The following CHRNA5 variants were observed in gnomAD, a reference collection of about 807,000 sequenced individuals.
The protein encoded by CHRNA5 is cholinergic receptor nicotinic alpha 5 subunit.
Under a neutral mutation model 41.2 loss-of-function variants are expected in CHRNA5, and 28 were observed. That is an observed-to-expected ratio of 0.68 (90% confidence interval 0.50 to 0.93). The LOEUF is 0.93. CHRNA5 is among the 40% of genes least tolerant of loss of function. The probability of loss-of-function intolerance (pLI) is 0.00; values close to 1 mark genes in which losing one functional copy is unlikely to be tolerated. For synonymous variants in CHRNA5, 188 were observed against 205.8 expected (o/e 0.91, Z 0.74); for missense variants, 481 against 581.9 (o/e 0.83, Z 1.78).
chr15:78,590,540 T>C (rs201720688), exon 5 of CHRNA5: 6 of 1,614,074 alleles, frequency 3.7e-6, no homozygotes, highest in Admixed American at 1.7e-5. Context: ...CTGAGAGTGG[T>C]AGTGGACCAA....
At chr15:78,592,863 TAA>T (rs2053033337) in intron 5 of CHRNA5, among the ~76,000 whole-genome samples, 1 of 152,156 alleles carries the variant, frequency 6.6e-6, no homozygotes, top group Admixed American at 6.5e-5. Context: ...ACTTGTAATA[TAA>T]GTTGATGTGT....
chr15:78,592,183 A>G (rs572675563), intron 5 of CHRNA5, among the ~76,000 whole-genome samples: 2 of 152,122 alleles, frequency 1.3e-5, no homozygotes, highest in Non-Finnish European at 2.9e-5. Flanking sequence ...TTAGCTGGGC[A>G]TGGTGGTGTG....
rs770658199 is a variant in CHRNA5, at chr15:78,593,136, G to A, written c.1290G>A (p.Met430Ile). The A allele has an allele frequency of 6.2e-6, 10 of 1,613,444 alleles. No homozygotes were observed. The East Asian group carries it at 2.2e-4, about 36-fold the overall frequency. Residue 430 changes from methionine (M) to isoleucine (I), a missense_variant, in exon 6 of 6, where the codon ATG becomes ATA. Coordinates refer to ENST00000299565, the Ensembl canonical transcript of CHRNA5. ...TCATAGCCCAGGTTCTTGATCGGATGTTTCTGTGGACTTTTCTTTTCGTTT... is the reference window on the plus strand; with the variant it reads ...TCATAGCCCAGGTTCTTGATCGGATATTTCTGTGGACTTTTCTTTTCGTTT...
intron 5 of CHRNA5, 38 bp downstream of exon 5, chr15:78,590,674 A>G (rs753213192): frequency 1.3e-6 from 2 of 1,528,388 alleles, no homozygotes; most frequent in South Asian, 2.5e-5. Flanking sequence ...ATCTTCTTCC[A>G]TTTTAAGTTC....
chr15:78,579,747 T>C (rs1257186898), intron 1 of CHRNA5, among the ~76,000 whole-genome samples: 1 of 152,136 alleles, frequency 6.6e-6, no homozygotes, highest in East Asian at 1.9e-4. Flanking sequence ...AATCCAACAC[T>C]CAGTTCTCAG....
At chr15:78,594,405 A>T (rs1050716580) in exon 6 of CHRNA5, 1 of 152,092 alleles carries the variant, frequency 6.6e-6, no homozygotes, top group Non-Finnish European at 1.5e-5. Context: ...GGCCGGGGGC[A>T]GTGGCTCACA....
chr15:78,565,889 G>GA lies in CHRNA5; in HGVS notation c.106+66dup. The GA allele has an allele frequency of 2.9e-6, 3 of 1,037,942 alleles. No homozygotes were observed. The African/African-American group carries it at 5.0e-5, about 17-fold the overall frequency. 64.3% of individuals were successfully genotyped at this position (1,037,942 alleles called of 1,614,324 possible). A position where few individuals can be genotyped will look rare whatever the true frequency, so the allele number is the denominator to read the frequency against. Reference sequence around the variant, plus strand: ...CCGGACTCCACATCGCGGTGCCCAGGAAGCCGCCAGGCGACGGCCGCCGGA... The same window carrying GA: ...CCGGACTCCACATCGCGGTGCCCAGGAAAGCCGCCAGGCGACGGCCGCCGGA... On this transcript the variant is annotated intron_variant, in intron 1 of 5. Coordinates refer to ENST00000299565, the Ensembl canonical transcript of CHRNA5.
At chr15:78,593,583 G>C (rs2053046949) in exon 6 of CHRNA5, 1 of 170,162 alleles carries the variant, frequency 5.9e-6, no homozygotes, top group Non-Finnish European at 1.2e-5. Flanking sequence ...GAGAATTCCA[G>C]TTGTATTTGA....
rs1596065831 is a variant in CHRNA5 at position 78,592,939 on chromosome 15, C to A, written c.1246-153C>A. The A allele has an allele frequency of 5.2e-6, 4 of 762,734 alleles. No homozygotes were observed. In the East Asian group the frequency reaches 1.1e-4, roughly 21 times the overall value. The allele number at this position is 762,734 out of a possible 1,614,324, so 47.2% of individuals were successfully genotyped here. On this transcript the variant is annotated intron_variant, in intron 5 of 5. Transcript: ENST00000299565. ...CTATAGTAGACCTTCAGGCTAGTGT[C>A]TGTCCCTGAGCTGAGTATAGGGTCA...
intron 1 of CHRNA5, among the ~76,000 whole-genome samples, chr15:78,566,704 T>G (rs185539531): frequency 6.6e-5 from 10 of 152,346 alleles, no homozygotes; most frequent in Admixed American, 5.9e-4. Flanking sequence ...GCCTTTCCTT[T>G]GTTAAGGTTT....
intron 2 of CHRNA5, among the ~76,000 whole-genome samples, chr15:78,582,535 C>T (rs1404975014): frequency 6.6e-6 from 1 of 151,162 alleles, no homozygotes; most frequent in African/African-American, 2.4e-5. Flanking sequence ...GGCTTGCTCT[C>T]AAAGATCTTT....
chr15:78,581,342 G>A (rs1331703792), intron 2 of CHRNA5, among the ~76,000 whole-genome samples: 1 of 152,092 alleles, frequency 6.6e-6, no homozygotes, highest in Non-Finnish European at 1.5e-5. Context: ...AGATTCTTAG[G>A]AACTAAAAGT....
At chr15:78,577,498 A>G (rs2052869661) in intron 1 of CHRNA5, among the ~76,000 whole-genome samples, 1 of 152,208 alleles carries the variant, frequency 6.6e-6, no homozygotes, top group African/African-American at 2.4e-5. Flanking sequence ...ACAAAGCAGT[A>G]TCTTGAAGAT....
At chr15:78,577,867 G>A (rs936258780) in intron 1 of CHRNA5, among the ~76,000 whole-genome samples, 7 of 149,916 alleles carry the variant, frequency 4.7e-5, no homozygotes, top group African/African-American at 1.7e-4. Flanking sequence ...GGAGGTTGAG[G>A]CTGCAGTGAG....
At chr15:78,590,372 A>T in exon 5 of CHRNA5, 3 of 1,614,184 alleles carry the variant, frequency 1.9e-6, no homozygotes, top group Non-Finnish European at 2.5e-6. Flanking sequence ...TGACACTGTC[A>T]ATTATGGTAA....
In CHRNA5 at chr15:78,589,875, C is replaced by T; in HGVS notation, c.484C>T (p.Pro162Ser). The T allele has an allele frequency of 6.2e-7, 1 of 1,614,050 alleles. No homozygotes were observed. Among genetic ancestry groups the T allele is most frequent in the Non-Finnish European group, 8.5e-7 (1 of 1,179,978 alleles). The change falls in exon 5 of 6, where the codon CCA becomes TCA. Residue 162 changes from proline to serine, a missense_variant. Physicochemically the swap from Pro to Ser is moderately conservative, Grantham distance 74. Transcript: ENST00000299565. ...GTACAATGGCACTGTCACCTGGACTCCACCGGCAAACTACAAAAGTTCCTG... is the reference window on the plus strand; with the variant it reads ...GTACAATGGCACTGTCACCTGGACTTCACCGGCAAACTACAAAAGTTCCTG...
At chr15:78,569,038 T>C (rs1176385208) in intron 1 of CHRNA5, among the ~76,000 whole-genome samples, 1 of 152,244 alleles carries the variant, frequency 6.6e-6, no homozygotes, top group African/African-American at 2.4e-5. Context: ...TTGTTATATA[T>C]ATGTCCTTAC....
chr15:78,566,383 A>G (rs2052747626), intron 1 of CHRNA5, among the ~76,000 whole-genome samples: 1 of 152,196 alleles, frequency 6.6e-6, no homozygotes, highest in Non-Finnish European at 1.5e-5. Context: ...TTGCATCCAG[A>G]GTTCCTCACT....
chr15:78,581,593 ATATG>A (rs1168703669), intron 2 of CHRNA5, among the ~76,000 whole-genome samples: 2 of 152,172 alleles, frequency 1.3e-5, no homozygotes, highest in Non-Finnish European at 2.9e-5. Flanking sequence ...ATATTTATAT[ATATG>A]TATGTTTTAA....
Sources: allele counts gnomAD v4.1 joint callset (sites outside exome capture counted in the v4.1 genomes callset), GRCh38; gene constraint gnomAD v4.1.1; transcripts MANE v1.5; gene names NCBI Gene and HGNC (gene_info 2026-07-23, HGNC 2026-07-21).